Variants in CDCA7L observed in about 807,000 individuals in gnomAD.
CDCA7L encodes cell division cycle associated 7 like, also known as cell division cycle-associated 7-like protein.
A neutral mutation model predicts 57.4 loss-of-function variants in CDCA7L; 44 were observed. The ratio of observed to expected loss-of-function variants is 0.77; its 90% CI spans 0.60 to 0.98. The LOEUF is 0.98. Among genes scored for constraint, CDCA7L ranks in the 50% least tolerant of loss-of-function variants. The pLI is 0.00. For missense variants in CDCA7L, 644 were observed against 580.6 expected, an observed-to-expected ratio of 1.11 and a Z score of -1.12; for synonymous variants, 236 against 202.8, an observed-to-expected ratio of 1.16 and a Z score of -1.39.
Position 21,902,307 on chromosome 7 carries a change from C to T in CDCA7L, c.*15G>A. On this transcript the variant is annotated 3_prime_UTR_variant, in exon 10 of 10. Transcript: ENST00000406877. ...GTACTCTATGGTGAGGTGGCTGGTT[C>T]TGTTTGTTTTCCTCTTAATTGTCTT... 3.1e-6 allele frequency: 5 copies of T among 1,613,662 alleles called. No individual in the cohort carries two copies. The highest frequency in any genetic ancestry group is 4.2e-6 in the Non-Finnish European group (5 of 1,179,586).
intron 1 of CDCA7L, chr7:21,940,284 T>C: frequency 1.0e-6 from 1 of 984,226 alleles, no homozygotes; most frequent in Non-Finnish European, 1.2e-6. Context: ...GAACCAGCCC[T>C]GATGACTTCC....
At position 21,911,718 on chromosome 7, in the gene CDCA7L, C is replaced by G. The variant is rs551496318; in HGVS notation, c.202G>C (p.Glu68Gln). The change falls in exon 3 of 10, where the codon GAG (glutamate) becomes CAG (glutamine). Residue 68 changes from glutamate to glutamine, a missense_variant. Transcript: ENST00000406877. ...VRFHSKYFTE[E>Q]LRRIFIEDTD... ...TCCTCTATAAAAATTCTTCTTAGCT[C>G]TTCTGTGAAGTATTTGGAATGAAAG... The G allele has an allele frequency of 1.2e-6, 2 of 1,613,766 alleles. No homozygotes were observed. Among genetic ancestry groups the G allele is most frequent in the East Asian group, 4.5e-5 (2 of 44,864 alleles).
intron 1 of CDCA7L, among the ~76,000 whole-genome samples, chr7:21,939,261 T>C (rs932821368): frequency 6.6e-6 from 1 of 152,156 alleles, no homozygotes; most frequent in Non-Finnish European, 1.5e-5. Flanking sequence ...AAAAAGCTCA[T>C]GAGAGATCAG....
chr7:21,904,005 G>A, intron 8 of CDCA7L, 105 bp downstream of exon 8: 9 of 1,093,586 alleles, frequency 8.2e-6, no homozygotes, highest in Non-Finnish European at 1.1e-5. Context: ...GGAAAAACCA[G>A]AGTTCTGGAG....
At chr7:21,930,919 T>C (rs1404286673) in intron 1 of CDCA7L, among the ~76,000 whole-genome samples, 7 of 151,574 alleles carry the variant, frequency 4.6e-5, no homozygotes, top group African/African-American at 1.7e-4. Flanking sequence ...AAGAATCAAA[T>C]AGACACAATA....
At chr7:21,918,250 G>A (rs766918175) in intron 1 of CDCA7L, among the ~76,000 whole-genome samples, 1 of 152,170 alleles carries the variant, frequency 6.6e-6, no homozygotes, top group South Asian at 2.1e-4. Context: ...GGAAGATATT[G>A]TAATGAGCAC....
intron 3 of CDCA7L, among the ~76,000 whole-genome samples, chr7:21,910,186 C>T (rs943359839): frequency 6.6e-6 from 1 of 152,198 alleles, no homozygotes; most frequent in Admixed American, 6.5e-5. Context: ...CATCACTTCA[C>T]TAAAGAACAG....
At chr7:21,930,865 G>C (rs961456993) in intron 1 of CDCA7L, among the ~76,000 whole-genome samples, 1 of 151,976 alleles carries the variant, frequency 6.6e-6, no homozygotes, top group Non-Finnish European at 1.5e-5. Context: ...TTTTTGAAAA[G>C]ATCAACAAAA....
chr7:21,903,242 ACGT>A, intron 8 of CDCA7L, 128 bp from the exon 9 acceptor site: 1 of 852,900 alleles, frequency 1.2e-6, no homozygotes. Context: ...CTTTCAGTCT[ACGT>A]CCCAGGGGGC....
chr7:21,903,524 T>TGTCAGTTGAGGACCATATA (rs1554295133), intron 8 of CDCA7L, among the ~76,000 whole-genome samples: 1 of 149,810 alleles, frequency 6.7e-6, no homozygotes, highest in African/African-American at 2.5e-5. Flanking sequence ...TTTGTTTGTC[T>TGTCAGTTGAGGACCATATA]GTCAGTTGAG....
intron 1 of CDCA7L, among the ~76,000 whole-genome samples, chr7:21,932,477 G>A (rs1786046443): frequency 6.6e-6 from 1 of 152,134 alleles, no homozygotes; most frequent in Non-Finnish European, 1.5e-5. Flanking sequence ...GAACAGAACA[G>A]AGGCCTCAGA....
In CDCA7L at chr7:21,911,603, G is replaced by A. The variant is rs766535904; in HGVS notation, c.303+14C>T. The A allele has an allele frequency of 2.5e-6, 4 of 1,605,622 alleles. No homozygotes were observed. The highest frequency in any genetic ancestry group is 2.2e-5 in the South Asian group (2 of 89,218). On this transcript the variant is annotated intron_variant, in intron 3 of 9. Transcript: ENST00000406877. ...AACGTTACCACCCACATCCCTTCCT[G>A]TTGTAATTATTACCATTACTTCTGG...
chr7:21,918,191 A>T (rs895669853), intron 1 of CDCA7L, among the ~76,000 whole-genome samples: 2 of 152,196 alleles, frequency 1.3e-5, no homozygotes, highest in African/African-American at 4.8e-5. Context: ...AGTAATTTTT[A>T]AAAAATTTTT....
chr7:21,913,304 C>T (rs193175651), intron 2 of CDCA7L, among the ~76,000 whole-genome samples: 8 of 151,452 alleles, frequency 5.3e-5, no homozygotes, highest in African/African-American at 9.7e-5. Context: ...TTACTTTGTT[C>T]CTTTGTTGAT....
In CDCA7L at chr7:21,939,650, A is replaced by G. The variant is rs915620418; in HGVS notation, c.24+6131T>C. Among the ~76,000 whole-genome samples, 4 of 152,304 alleles carry G rather than the reference A, an allele frequency of 2.6e-5. No homozygotes were observed. The East Asian group carries it at 7.7e-4, about 29-fold the overall frequency. Reference sequence around the variant, plus strand: ...ACAAGTCTGTTCTCAGTGTTTTCCAACAAGGTGCAACTGACGTTTTGGACA... The same window carrying G: ...ACAAGTCTGTTCTCAGTGTTTTCCAGCAAGGTGCAACTGACGTTTTGGACA... On this transcript the variant is annotated intron_variant, in intron 1 of 9. Transcript: ENST00000406877.
intron 8 of CDCA7L, chr7:21,903,713 C>T (rs1366115989): frequency 7.1e-6 from 1 of 140,764 alleles, no homozygotes; most frequent in Admixed American, 7.0e-5. Flanking sequence ...GAGTGAGCGA[C>T]AGCTTGCACA....
chr7:21,901,196 G>A lies in CDCA7L; in HGVS notation c.*1126C>T, dbSNP rs768980645. On this transcript the variant is annotated 3_prime_UTR_variant, in exon 10 of 10. Coordinates refer to ENST00000406877, the MANE Select transcript of CDCA7L (RefSeq NM_018719.5). ...TACATCTGGACCTTCAGGCTGAAGA[G>A]CGAAGAGAAGACTGCAAAATGGGTT... is the stretch of plus-strand genomic sequence containing the variant. The A allele has an allele frequency of 5.0e-6, 8 of 1,613,946 alleles. No homozygotes were observed. The highest frequency in any genetic ancestry group is 2.5e-6 in the Non-Finnish European group (3 of 1,179,836).
At chr7:21,904,755 G>A (rs892977489) in intron 7 of CDCA7L, among the ~76,000 whole-genome samples, 1 of 152,200 alleles carries the variant, frequency 6.6e-6, no homozygotes, top group Admixed American at 6.5e-5. Flanking sequence ...GGGGACCACT[G>A]CTCTAGAATG....
intron 1 of CDCA7L, among the ~76,000 whole-genome samples, chr7:21,923,746 G>C (rs937259431): frequency 2.0e-5 from 3 of 152,228 alleles, no homozygotes; most frequent in African/African-American, 7.2e-5. Flanking sequence ...AAGCCCATTA[G>C]TTAACTGATA....
Sources: allele counts gnomAD v4.1 joint callset (sites outside exome capture counted in the v4.1 genomes callset), GRCh38; gene constraint gnomAD v4.1.1; transcripts MANE v1.5; gene names NCBI Gene and HGNC (gene_info 2026-07-23, HGNC 2026-07-21).